The following STXBP4 variants were observed in gnomAD, a reference collection of about 807,000 sequenced individuals.
STXBP4 encodes syntaxin binding protein 4, also known as syntaxin-binding protein 4.
A neutral mutation model predicts 76.1 loss-of-function variants in STXBP4; 55 were observed. The ratio of observed to expected loss-of-function variants is 0.72; its 90% CI spans 0.58 to 0.91. The LOEUF (loss-of-function observed/expected upper bound fraction) is 0.91. Among genes scored for constraint, STXBP4 ranks in the 40% least tolerant of loss-of-function variants. The pLI is 0.00. For missense variants in STXBP4, 618 were observed against 636.9 expected, an observed-to-expected ratio of 0.97 and a Z score of 0.32; for synonymous variants, 201 against 220.2, an observed-to-expected ratio of 0.91 and a Z score of 0.77.
the STXBP4 span, among the ~76,000 whole-genome samples, chr17:55,199,902 A>G: frequency 2.0e-5 from 3 of 152,088 alleles, no homozygotes; most frequent in African/African-American, 7.2e-5. Flanking sequence ...CTCCCAGCCA[A>G]CTTCTTCTCC....
rs768111065 is a variant in STXBP4, at chr17:55,078,059, T to G, written c.1189-19T>G. 1 of 1,508,230 alleles carries G rather than the reference T, an allele frequency of 6.6e-7. No individual in the cohort carries two copies. Among genetic ancestry groups the G allele is most frequent in the Admixed American group, 2.0e-5 (1 of 51,148 alleles). The allele number at this position is 1,508,230 out of a possible 1,614,324, so 93.4% of individuals were successfully genotyped here. A position where few individuals can be genotyped will look rare whatever the true frequency, so the allele number is the denominator to read the frequency against. ...AACTGAAGAAATGTGTAAATGCTCC[T>G]TTTGATATCTCTGTGCAGGAAAGTG... On this transcript the variant is annotated intron_variant, in intron 13 of 17. Coordinates refer to ENST00000376352, the MANE Select transcript of STXBP4 (RefSeq NM_178509.6).
At position 55,070,754 on chromosome 17, in the gene STXBP4, A is replaced by G. The variant is rs1463409607; in HGVS notation, c.1012-2146A>G. 2.7e-5 allele frequency among the ~76,000 whole-genome samples: 4 copies of G among 149,578 alleles called. No homozygotes were observed. In the East Asian group the frequency reaches 5.9e-4, roughly 22 times the overall value. ...CATTACTCCCCTATAGCAAGTCTCTACTCCAATCATAATTGATCTAGTATT... is the reference window on the plus strand; with the variant it reads ...CATTACTCCCCTATAGCAAGTCTCTGCTCCAATCATAATTGATCTAGTATT... On this transcript the variant is annotated intron_variant, in intron 12 of 17. Transcript: ENST00000376352.
At chr17:55,008,101 ACT>A (rs1488753813) in intron 8 of STXBP4, among the ~76,000 whole-genome samples, 2 of 152,250 alleles carry the variant, frequency 1.3e-5, no homozygotes, top group East Asian at 3.9e-4. Context: ...GAACATTGAG[ACT>A]CTCATGTAAA....
intron 13 of STXBP4, among the ~76,000 whole-genome samples, chr17:55,074,100 A>G (rs2079153187): frequency 6.6e-6 from 1 of 152,210 alleles, no homozygotes; most frequent in African/African-American, 2.4e-5. Flanking sequence ...ATAACTGGTT[A>G]TGTATATCTC....
intron 16 of STXBP4, among the ~76,000 whole-genome samples, chr17:55,102,957 C>T (rs891981829): frequency 1.3e-5 from 2 of 152,076 alleles, no homozygotes; most frequent in Non-Finnish European, 2.9e-5. Context: ...ATCCTTTGCC[C>T]ACTTTTTGAT....
At chr17:55,027,344 A>G (rs552593599) in intron 8 of STXBP4, among the ~76,000 whole-genome samples, 1 of 152,310 alleles carries the variant, frequency 6.6e-6, no homozygotes, top group Admixed American at 6.5e-5. Flanking sequence ...CCAAGATACT[A>G]GAGTACGTCC....
At chr17:54,968,934 T>C (rs1326973391) in intron 1 of STXBP4, 119 bp downstream of exon 1, 1 of 383,230 alleles carries the variant, frequency 2.6e-6, no homozygotes, top group Non-Finnish European at 4.8e-6. Flanking sequence ...TCACTTGGGG[T>C]TGCGCCTGTG....
At chr17:55,105,288 C>T (rs1437870711) in intron 16 of STXBP4, among the ~76,000 whole-genome samples, 1 of 152,110 alleles carries the variant, frequency 6.6e-6, no homozygotes, top group Non-Finnish European at 1.5e-5. Flanking sequence ...CTAAACACTG[C>T]TTTAGCTATG....
intron 7 of STXBP4, among the ~76,000 whole-genome samples, chr17:55,002,848 T>A (rs187612921): frequency 2.9e-4 from 44 of 152,342 alleles, no homozygotes; most frequent in African/African-American, 1.0e-3. Flanking sequence ...ACTTATATTG[T>A]AATTAGTGCA....
intron 1 of STXBP4, among the ~76,000 whole-genome samples, chr17:54,973,754 G>T (rs1177611434): frequency 2.0e-5 from 3 of 152,118 alleles, no homozygotes; most frequent in Non-Finnish European, 4.4e-5. Context: ...CTCAGGGCAG[G>T]GCTAATCCAA....
chr17:55,032,926 C>A (rs2078534628), intron 9 of STXBP4, among the ~76,000 whole-genome samples: 1 of 152,152 alleles, frequency 6.6e-6, no homozygotes, highest in Non-Finnish European at 1.5e-5. Flanking sequence ...TTCCAACCAA[C>A]TTTTTTAGTG....
intron 16 of STXBP4, among the ~76,000 whole-genome samples, chr17:55,088,865 C>A (rs549779199): frequency 2.0e-5 from 3 of 152,194 alleles, no homozygotes; most frequent in African/African-American, 7.2e-5. Context: ...CTTTCCACAT[C>A]ATTGCATACA....
rs61261992 is a variant in STXBP4 at position 55,137,778 on chromosome 17, G to A, written c.1490-3532G>A. On this transcript the variant is annotated intron_variant, in intron 16 of 17. Coordinates refer to ENST00000376352, the MANE Select transcript of STXBP4 (RefSeq NM_178509.6). ...AATAAATGTTAACTCATTATTATTAGCATTGAAAATTTTAGATAGGTATTT... is the reference window on the plus strand; with the variant it reads ...AATAAATGTTAACTCATTATTATTAACATTGAAAATTTTAGATAGGTATTT... 5.6e-3 allele frequency among the ~76,000 whole-genome samples: 851 copies of A among 152,132 alleles called. 11 individuals carry two copies. The highest frequency in any genetic ancestry group is 0.02 in the African/African-American group (821 of 41,516).
Position 54,999,856 on chromosome 17 carries a change from T to A in STXBP4, c.498+14T>A. The A allele has an allele frequency of 6.4e-7, 1 of 1,565,252 alleles. No individual in the cohort carries two copies. Among genetic ancestry groups the A allele is most frequent in the Non-Finnish European group, 8.8e-7 (1 of 1,138,780 alleles). On this transcript the variant is annotated intron_variant, in intron 6 of 17. Coordinates refer to ENST00000376352, the MANE Select transcript of STXBP4 (RefSeq NM_178509.6). Reference sequence around the variant, plus strand: ...TCTTCTTGTGAGGTAAGTCAGGTAATCTTAAATTTCTCTATATATGCACTC... The same window carrying A: ...TCTTCTTGTGAGGTAAGTCAGGTAAACTTAAATTTCTCTATATATGCACTC...
chr17:55,193,131 G>T, the STXBP4 span, among the ~76,000 whole-genome samples: 2 of 152,130 alleles, frequency 1.3e-5, no homozygotes, highest in Non-Finnish European at 2.9e-5. Flanking sequence ...GCAGATAGGT[G>T]GCATATATTT....
chr17:55,040,140 A>G (rs911256492), intron 10 of STXBP4, among the ~76,000 whole-genome samples: 7 of 152,202 alleles, frequency 4.6e-5, no homozygotes, highest in African/African-American at 2.4e-5. Context: ...AGAATATCAC[A>G]ATCTAAAGAA....
downstream of STXBP4, among the ~76,000 whole-genome samples, chr17:55,175,236 T>C (rs146945073): frequency 2.9e-3 from 437 of 152,264 alleles, 3 homozygotes; most frequent in African/African-American, 0.01. Context: ...CTGAATTATA[T>C]AGATGTATAG....
In STXBP4 at chr17:55,160,006, C is replaced by T. The variant is rs1000283835; in HGVS notation, c.*95C>T. On this transcript the variant is annotated 3_prime_UTR_variant, in exon 18 of 18. Transcript: ENST00000376352. ...GAAACAGTCTAAAATAGGAGTAAAG[C>T]ATGCACTACTTGTTGAAGTGTGAAA... is the stretch of plus-strand genomic sequence containing the variant. The T allele has an allele frequency of 3.2e-5, 22 of 688,964 alleles. No homozygotes were observed. The highest frequency in any genetic ancestry group is 2.7e-4 in the African/African-American group (15 of 55,100). The allele number at this position is 688,964 out of a possible 1,614,324, so 42.7% of individuals were successfully genotyped here. A position where few individuals can be genotyped will look rare whatever the true frequency, so the allele number is the denominator to read the frequency against.
chr17:55,050,142 A>G lies in STXBP4; in HGVS notation c.1011+2988A>G, dbSNP rs73990285. ...TTTTTTTGCAGATGATATGGTAGTA[A>G]TCTGGAATACCCTAGAGAGTGATAA... On this transcript the variant is annotated intron_variant, in intron 12 of 17. Transcript: ENST00000376352. 7.3e-3 allele frequency among the ~76,000 whole-genome samples: 1,113 copies of G among 152,252 alleles called. 15 individuals carry two copies. The highest frequency in any genetic ancestry group is 0.025 in the African/African-American group (1,042 of 41,572).
Sources: allele counts gnomAD v4.1 joint callset (sites outside exome capture counted in the v4.1 genomes callset), GRCh38; gene constraint gnomAD v4.1.1; transcripts MANE v1.5; gene names NCBI Gene and HGNC (gene_info 2026-07-23, HGNC 2026-07-21).